The following HTR2A variants were observed in gnomAD, a reference collection of about 807,000 sequenced individuals.
HTR2A encodes 5-HT2 receptor.
In HTR2A, 14 loss-of-function variants were observed where a neutral mutation model predicts 31.0. The ratio of observed to expected loss-of-function variants is 0.45; its 90% CI spans 0.30 to 0.71. HTR2A has a LOEUF of 0.71. Among genes scored for constraint, HTR2A ranks in the 30% least tolerant of loss-of-function variants. The pLI is 0.09. For missense variants in HTR2A, 442 were observed against 573.3 expected (o/e 0.77, Z 2.34); for synonymous variants, 209 against 225.2 (o/e 0.93, Z 0.64).
intron 3 of HTR2A, among the ~76,000 whole-genome samples, chr13:46,865,841 C>T (rs9534501): frequency 0.19 from 28,261 of 152,054 alleles, 3,042 homozygotes; most frequent in South Asian, 0.3. Flanking sequence ...GAGAAATCTC[C>T]TGTGTAGGAT....
chr13:46,844,837 G>T (rs1950628603), intron 3 of HTR2A, among the ~76,000 whole-genome samples: 1 of 152,136 alleles, frequency 6.6e-6, no homozygotes, highest in Admixed American at 6.5e-5. Flanking sequence ...ATATAAAGAG[G>T]CCTCCTCTAA....
At chr13:46,859,115 A>G (rs1950761192) in intron 3 of HTR2A, among the ~76,000 whole-genome samples, 1 of 152,220 alleles carries the variant, frequency 6.6e-6, no homozygotes, top group Non-Finnish European at 1.5e-5. Flanking sequence ...TCAACATGTT[A>G]AAAATGGCCA....
chr13:46,865,617 G>A (rs1183434756), intron 3 of HTR2A, among the ~76,000 whole-genome samples: 1 of 152,194 alleles, frequency 6.6e-6, no homozygotes, highest in Non-Finnish European at 1.5e-5. Context: ...ACTGCCCAAT[G>A]TACTAGCCAC....
rs192555187 is a variant in HTR2A, at chr13:46,876,449, G to C, written c.613+15941C>G. ...TTTTGAGACAGAGTCTTGCTCTGTC[G>C]CACAGGCTGGAGTGCAGTGGCGCAA... On this transcript the variant is annotated intron_variant, in intron 3 of 3. Transcript: ENST00000542664. Among the ~76,000 whole-genome samples the C allele has an allele frequency of 3.5e-3, 429 of 123,974 alleles. 3 individuals are homozygous for C. Among genetic ancestry groups the C allele is most frequent in the African/African-American group, 0.012 (407 of 33,050 alleles). 81.3% of individuals were successfully genotyped at this position (123,974 alleles called of 152,430 possible).
In HTR2A at chr13:46,838,762, G is replaced by A. The variant is rs138455643; in HGVS notation, c.614-3123C>T. The stretch of plus-strand genomic sequence containing the variant: ...GATACACAGAAACAAGATATCAACC[G>A]TCCAAAAAAGGTGTGTGATTTTGTT... On this transcript the variant is annotated intron_variant, in intron 3 of 3. Transcript: ENST00000542664. Among the ~76,000 whole-genome samples, 82 of 152,094 alleles carry A rather than the reference G, an allele frequency of 5.4e-4. 1 individual carries two copies. The highest frequency in any genetic ancestry group is 6.8e-3 in the Middle Eastern group (2 of 294).
chr13:46,853,952 A>G (rs908401704), intron 3 of HTR2A: 2 of 152,210 alleles, frequency 1.3e-5, no homozygotes, highest in African/African-American at 4.8e-5. Flanking sequence ...TAAAGAAAAA[A>G]GTCTACAGTT....
chr13:46,849,801 G>A (rs1183716116), intron 3 of HTR2A, among the ~76,000 whole-genome samples: 1 of 152,124 alleles, frequency 6.6e-6, no homozygotes, highest in Non-Finnish European at 1.5e-5. Flanking sequence ...AGATTATCTT[G>A]TTTGGTCTAT....
intron 3 of HTR2A, among the ~76,000 whole-genome samples, chr13:46,848,718 A>AT (rs1950661441): frequency 6.6e-6 from 1 of 152,264 alleles, no homozygotes; most frequent in Non-Finnish European, 1.5e-5. Flanking sequence ...CTGTACTTCC[A>AT]TTTTTTGTTA....
intron 3 of HTR2A, among the ~76,000 whole-genome samples, chr13:46,837,665 G>A (rs906358874): frequency 6.6e-6 from 1 of 152,198 alleles, no homozygotes; most frequent in Non-Finnish European, 1.5e-5. Context: ...GGTTTTTGGA[G>A]AATCTCTAAT....
At chr13:46,850,593 A>G (rs888775687) in intron 3 of HTR2A, among the ~76,000 whole-genome samples, 14 of 152,190 alleles carry the variant, frequency 9.2e-5, no homozygotes, top group African/African-American at 3.4e-4. Flanking sequence ...TGCTGCTTGA[A>G]GAGTTGCTGC....
chr13:46,843,032 C>G (rs1486448039), intron 3 of HTR2A, among the ~76,000 whole-genome samples: 5 of 152,230 alleles, frequency 3.3e-5, no homozygotes, highest in Admixed American at 2.0e-4. Context: ...CTCCACCCCA[C>G]CTGGGATGTA....
chr13:46,889,933 C>T (rs556918343), intron 3 of HTR2A, among the ~76,000 whole-genome samples: 79 of 152,242 alleles, frequency 5.2e-4, no homozygotes, highest in African/African-American at 1.7e-3. Context: ...TTCTATGTAA[C>T]TTTTTTTTAT....
intron 3 of HTR2A, among the ~76,000 whole-genome samples, chr13:46,844,624 T>C (rs1026562305): frequency 6.6e-6 from 1 of 152,214 alleles, no homozygotes; most frequent in African/African-American, 2.4e-5. Flanking sequence ...ACTCATATCC[T>C]GGATCTAGGC....
intron 3 of HTR2A, among the ~76,000 whole-genome samples, chr13:46,888,253 A>G (rs1408225478): frequency 3.9e-5 from 6 of 152,202 alleles, no homozygotes; most frequent in Non-Finnish European, 1.5e-5. Context: ...TCACAAGTTT[A>G]AGAATCAGTA....
intron 2 of HTR2A, among the ~76,000 whole-genome samples, chr13:46,894,871 G>A (rs138577083): frequency 3.3e-5 from 5 of 152,282 alleles, no homozygotes; most frequent in African/African-American, 2.4e-5. Context: ...AAAGAGTTGA[G>A]GATATAATTC....
At chr13:46,849,839 G>A (rs775679743) in intron 3 of HTR2A, among the ~76,000 whole-genome samples, 13 of 152,230 alleles carry the variant, frequency 8.5e-5, no homozygotes, top group Non-Finnish European at 1.5e-4. Flanking sequence ...CTCTGTTTAC[G>A]TGAATGTGAG....
Position 46,895,227 on chromosome 13 carries a change from C to A in HTR2A, c.412+268G>T. The A allele has an allele frequency of 2.8e-6, 1 of 351,790 alleles. No individual in the cohort carries two copies. Among genetic ancestry groups the A allele is most frequent in the East Asian group, 5.0e-5 (1 of 20,118 alleles). 21.8% of individuals were successfully genotyped at this position (351,790 alleles called of 1,614,324 possible). On this transcript the variant is annotated intron_variant, in intron 2 of 3. Coordinates refer to ENST00000542664, the MANE Select transcript of HTR2A (RefSeq NM_000621.5). This position sits in a 1 kb window ranked among gnomAD's most constrained non-coding sequence, Gnocchi z 4.4. The stretch of plus-strand genomic sequence containing the variant: ...TACATTAAATGTACATGTTTTGAAG[C>A]ACAAAACTCTCCAATGATCATTTTT...
intron 3 of HTR2A, among the ~76,000 whole-genome samples, chr13:46,867,472 T>C (rs1409464480): frequency 6.6e-6 from 1 of 152,234 alleles, no homozygotes; most frequent in Non-Finnish European, 1.5e-5. Context: ...TATTATGAGA[T>C]AGCTTGGTGC....
chr13:46,868,373 T>C (rs1302815774), intron 3 of HTR2A, among the ~76,000 whole-genome samples: 1 of 152,210 alleles, frequency 6.6e-6, no homozygotes, highest in African/African-American at 2.4e-5. Context: ...CACAAGGTTG[T>C]TGAGGATAAA....
Sources: allele counts gnomAD v4.1 joint callset (sites outside exome capture counted in the v4.1 genomes callset), GRCh38; gene constraint gnomAD v4.1.1; non-coding constraint Gnocchi (gnomAD v3.1); transcripts MANE v1.5; gene names NCBI Gene and HGNC (gene_info 2026-07-23, HGNC 2026-07-21).